Variants in LTBP1 observed in about 807,000 individuals in gnomAD.
LTBP1 encodes latent-transforming growth factor beta-binding protein 1.
Under a neutral mutation model 207.6 loss-of-function variants are expected in LTBP1, and 129 were observed. The ratio of observed to expected loss-of-function variants is 0.62; its 90% CI spans 0.54 to 0.72. The LOEUF (loss-of-function observed/expected upper bound fraction) is 0.72, where lower values mean the gene tolerates loss of function less well. Among genes scored for constraint, LTBP1 ranks in the 30% least tolerant of loss-of-function variants. The probability of loss-of-function intolerance (pLI) is 0.00; values close to 1 mark genes in which losing one functional copy is unlikely to be tolerated. For missense variants in LTBP1, 2,281 were observed against 2,217.2 expected (o/e 1.03, Z -0.58); for synonymous variants, 963 against 833.7 (o/e 1.16, Z -2.67).
chr2:33,390,247 T>C (rs66734644), intron 32 of LTBP1, among the ~76,000 whole-genome samples: 23,246 of 152,134 alleles, frequency 0.15, 1,931 homozygotes, highest in African/African-American at 0.22. Context: ...GGTGGGAGTG[T>C]GTATCTGCAA....
intron 19 of LTBP1, among the ~76,000 whole-genome samples, chr2:33,289,245 C>A (rs532868510): frequency 6.6e-6 from 1 of 152,324 alleles, no homozygotes; most frequent in South Asian, 2.1e-4. Context: ...TGACCTGATA[C>A]CTCGGCAAGT....
At chr2:33,133,008 A>T (rs934498067) in intron 4 of LTBP1, among the ~76,000 whole-genome samples, 1 of 152,154 alleles carries the variant, frequency 6.6e-6, no homozygotes, top group Non-Finnish European at 1.5e-5. Flanking sequence ...GAACTGCCAT[A>T]ACTATCATGT....
Position 33,315,190 on chromosome 2 carries a change from G to C in LTBP1, c.3651G>C (p.Glu1217Asp). The change falls in exon 24 of 34, where the codon GAG becomes GAC. Residue 1217 changes from glutamate to aspartate, a missense_variant. Transcript: ENST00000404816. ...CAGGGCTCTGTGGTCCGCAAGGGGAGTGCCTAAACACAGAGGGTTCTTTCC... is the reference window on the plus strand; with the variant it reads ...CAGGGCTCTGTGGTCCGCAAGGGGACTGCCTAAACACAGAGGGTTCTTTCC... The part of the protein sequence containing the change: ...EHPGLCGPQG[E>D]CLNTEGSFHC... The C allele has an allele frequency of 6.2e-7, 1 of 1,613,036 alleles. No homozygotes were observed. Among genetic ancestry groups the C allele is most frequent in the East Asian group, 2.2e-5 (1 of 44,860 alleles).
intron 11 of LTBP1, among the ~76,000 whole-genome samples, chr2:33,253,191 C>T (rs1247406032): frequency 1.3e-5 from 2 of 152,166 alleles, no homozygotes; most frequent in East Asian, 1.9e-4. Flanking sequence ...ATTGGCTGCT[C>T]ATCAATTCAC....
intron 9 of LTBP1, among the ~76,000 whole-genome samples, chr2:33,239,302 G>C (rs2092203747): frequency 6.6e-6 from 1 of 152,164 alleles, no homozygotes; most frequent in African/African-American, 2.4e-5. Flanking sequence ...TAAACTTCTA[G>C]ACTGCCTGCC....
rs1676435512 is a variant in LTBP1 at position 32,947,814 on chromosome 2, C to A, written c.490C>A (p.Gln164Lys). 1.4e-6 allele frequency: 2 copies of A among 1,436,584 alleles called. No homozygotes were observed. Among genetic ancestry groups the A allele is most frequent in the Admixed American group, 2.4e-5 (1 of 41,138 alleles). The allele number at this position is 1,436,584 out of a possible 1,614,324, so 89.0% of individuals were successfully genotyped here. A position where few individuals can be genotyped will look rare whatever the true frequency, so the allele number is the denominator to read the frequency against. The change falls in exon 1 of 34, where the codon CAG (glutamine) becomes AAG (lysine). Residue 164 changes from glutamine (Q) to lysine (K), a missense_variant. Physicochemically the swap from Gln to Lys is moderately conservative, Grantham distance 53. Coordinates refer to ENST00000404816, the MANE Select transcript of LTBP1 (RefSeq NM_206943.4). The stretch of plus-strand genomic sequence containing the variant: ...GCAGGTTCACCAGAAGCAGCAGCTG[C>A]AGGGGTAAGCCCACACCCCCTTCCG... Reference protein sequence around the residue: ...RLQVHQKQQLQGVNVCGGRCC... With the variant: ...RLQVHQKQQLKGVNVCGGRCC...
At chr2:33,324,998 C>T (rs1390676461) in intron 24 of LTBP1, among the ~76,000 whole-genome samples, 2 of 152,192 alleles carry the variant, frequency 1.3e-5, no homozygotes, top group Non-Finnish European at 2.9e-5. Context: ...AGCCACCGCA[C>T]CTGGCCTCTA....
intron 19 of LTBP1, among the ~76,000 whole-genome samples, chr2:33,287,356 C>G (rs1027084505): frequency 2.0e-5 from 3 of 152,162 alleles, no homozygotes; most frequent in Non-Finnish European, 4.4e-5. Flanking sequence ...TCTCTAAATC[C>G]AGTGTTTTGT....
intron 26 of LTBP1, among the ~76,000 whole-genome samples, chr2:33,358,423 A>C (rs968164024): frequency 1.3e-5 from 2 of 151,604 alleles, no homozygotes; most frequent in African/African-American, 2.4e-5. Flanking sequence ...AAAATGCATA[A>C]AATTATATTT....
chr2:33,117,638 G>A (rs1374410749), intron 4 of LTBP1, among the ~76,000 whole-genome samples: 2 of 152,186 alleles, frequency 1.3e-5, no homozygotes, highest in Non-Finnish European at 1.5e-5. Context: ...CTTCAGGGAG[G>A]TGGGCAAGAA....
At chr2:33,329,650 C>T (rs890261503) in intron 24 of LTBP1, among the ~76,000 whole-genome samples, 3 of 151,930 alleles carry the variant, frequency 2.0e-5, no homozygotes, top group African/African-American at 7.2e-5. Context: ...AAAAGAGTGC[C>T]TTTTTCCCAC....
At chr2:33,263,864 A>C (rs2093093317) in intron 15 of LTBP1, among the ~76,000 whole-genome samples, 1 of 151,324 alleles carries the variant, frequency 6.6e-6, no homozygotes, top group Non-Finnish European at 1.5e-5. Flanking sequence ...GAGGCAGGGG[A>C]GTCGCTTGAA....
intron 3 of LTBP1, among the ~76,000 whole-genome samples, chr2:33,024,518 G>C (rs569054785): frequency 1.3e-5 from 2 of 152,328 alleles, no homozygotes; most frequent in South Asian, 4.1e-4. Context: ...ATTTTAGGCA[G>C]GTGGGGATTA....
intron 3 of LTBP1, among the ~76,000 whole-genome samples, chr2:33,076,541 CTT>C (rs1039003957): frequency 2.8e-5 from 4 of 145,106 alleles, no homozygotes; most frequent in Admixed American, 1.4e-4. Flanking sequence ...ATTTCCCATC[CTT>C]TTTTTTTTTT....
intron 5 of LTBP1, among the ~76,000 whole-genome samples, chr2:33,167,396 C>T (rs1038334534): frequency 3.3e-5 from 5 of 151,630 alleles, no homozygotes; most frequent in Non-Finnish European, 2.9e-5. Flanking sequence ...TATTAGGTAC[C>T]GACCATGTAT....
At chr2:33,357,357 G>A (rs77213461) in intron 26 of LTBP1, among the ~76,000 whole-genome samples, 5,186 of 152,160 alleles carry the variant, frequency 0.034, 130 homozygotes, top group Admixed American at 0.045. Context: ...GATTATCTGC[G>A]GCCCTCTTCC....
intron 2 of LTBP1, among the ~76,000 whole-genome samples, chr2:33,016,213 G>A (rs1175222724): frequency 6.6e-6 from 1 of 152,166 alleles, no homozygotes; most frequent in East Asian, 1.9e-4. Flanking sequence ...GAATCCCAGA[G>A]GTTGGGTGAG....
At position 33,078,229 on chromosome 2, in the gene LTBP1, T is replaced by C. The variant is rs560316354; in HGVS notation, c.864-32353T>C. Among the ~76,000 whole-genome samples, 4 of 152,292 alleles carry C rather than the reference T, an allele frequency of 2.6e-5. No individual in the cohort carries two copies. The South Asian group carries it at 6.2e-4, about 24-fold the overall frequency. ...GCCAATATTATTAAGTGATGTTAAG[T>C]GTTGGGAACACAACCAGTATTTTCT... On this transcript the variant is annotated intron_variant, in intron 3 of 33. Coordinates refer to ENST00000404816, the MANE Select transcript of LTBP1 (RefSeq NM_206943.4).
intron 5 of LTBP1, among the ~76,000 whole-genome samples, chr2:33,145,138 G>T (rs1055692492): frequency 6.6e-6 from 1 of 152,074 alleles, no homozygotes; most frequent in Non-Finnish European, 1.5e-5. Flanking sequence ...TTTCTATTTA[G>T]TTGAAGGGTA....
Sources: gnomAD v4.1 joint callset for allele counts (sites outside exome capture counted in the v4.1 genomes callset) on GRCh38, gnomAD v4.1.1 for gene constraint, MANE v1.5 for transcripts, NCBI Gene and HGNC (gene_info 2026-07-23, HGNC 2026-07-21) for gene names.